The following AFAP1 variants were observed in gnomAD, a reference collection of about 807,000 sequenced individuals.
AFAP1 encodes actin filament associated protein 1.
AFAP1 carries 75 observed loss-of-function variants against 93.9 expected under a neutral mutation model. The ratio of observed to expected loss-of-function variants is 0.80; its 90% CI spans 0.66 to 0.97. The LOEUF is 0.97. AFAP1 is among the 50% of genes least tolerant of loss of function. The pLI, the probability that AFAP1 is intolerant of heterozygous loss-of-function variation, is 0.00. For missense variants in AFAP1, 1,201 were observed against 1,050.8 expected (o/e 1.14, Z -1.98); for synonymous variants, 517 against 430.7 (o/e 1.20, Z -2.48).
At chr4:7,799,002 A>C in intron 10 of AFAP1, 2 of 986,200 alleles carry the variant, frequency 2.0e-6, no homozygotes, top group Non-Finnish European at 2.4e-6. Context: ...CAGTTTCTTT[A>C]TTTAAGTTTT....
intron 2 of AFAP1, among the ~76,000 whole-genome samples, chr4:7,869,807 A>G (rs1716863870): frequency 6.6e-6 from 1 of 151,782 alleles, no homozygotes; most frequent in African/African-American, 2.4e-5. Flanking sequence ...TTCGTTAGAG[A>G]ACTGCAAACA....
intron 5 of AFAP1, among the ~76,000 whole-genome samples, chr4:7,839,237 G>A (rs1033696295): frequency 6.6e-6 from 1 of 152,018 alleles, no homozygotes; most frequent in Non-Finnish European, 1.5e-5. Context: ...TTGGGAGGCT[G>A]AGGCAGGAGG....
In AFAP1 at chr4:7,762,951, C is replaced by G. The variant is rs1428174638; in HGVS notation, c.*814G>C. ...GTGGATTAAGGGCTGGGGATGCTAG[C>G]CCAAGGGGGAGGAGGGTGTACTGTT... On this transcript the variant is annotated 3_prime_UTR_variant, in exon 18 of 18. Coordinates refer to ENST00000420658, the MANE Select transcript of AFAP1 (RefSeq NM_001134647.2). 6.6e-6 allele frequency: 1 copy of G among 152,224 alleles called. No individual in the cohort carries two copies. The highest frequency in any genetic ancestry group is 2.4e-5 in the African/African-American group (1 of 41,426). The allele number at this position is 152,224 out of a possible 1,614,324, so 9.4% of individuals were successfully genotyped here.
chr4:7,909,838 T>C (rs1397041280), intron 1 of AFAP1, among the ~76,000 whole-genome samples: 1 of 152,170 alleles, frequency 6.6e-6, no homozygotes, highest in Non-Finnish European at 1.5e-5. Context: ...GCATGCTTTT[T>C]TCACAGCCCC....
At chr4:7,904,484 A>G (rs1432859691) in intron 1 of AFAP1, among the ~76,000 whole-genome samples, 1 of 152,140 alleles carries the variant, frequency 6.6e-6, no homozygotes, top group East Asian at 1.9e-4. Flanking sequence ...AAATAATAAC[A>G]TTTAGTGTGC....
chr4:7,911,698 T>A (rs537230592), intron 1 of AFAP1, among the ~76,000 whole-genome samples: 2 of 152,358 alleles, frequency 1.3e-5, no homozygotes, highest in East Asian at 3.9e-4. Context: ...GGGCCTCTGA[T>A]TCTAGAACCA....
chr4:7,845,047 T>C (rs780296761), intron 4 of AFAP1, among the ~76,000 whole-genome samples: 2 of 152,220 alleles, frequency 1.3e-5, no homozygotes, highest in Non-Finnish European at 2.9e-5. Flanking sequence ...ATGTTTGCCT[T>C]ATAATTTCCT....
chr4:7,788,111 C>T (rs538321524), intron 11 of AFAP1, among the ~76,000 whole-genome samples: 301 of 152,332 alleles, frequency 2.0e-3, no homozygotes, highest in Non-Finnish European at 1.7e-3. Flanking sequence ...CACAGGGGTC[C>T]TCACGCAGGG....
intron 16 of AFAP1, among the ~76,000 whole-genome samples, chr4:7,771,852 T>C (rs532175711): frequency 1.4e-3 from 211 of 151,886 alleles, no homozygotes; most frequent in African/African-American, 4.9e-3. Flanking sequence ...CACAGGAGAC[T>C]GGGGCAGGGA....
chr4:7,897,714 G>GCCA (rs1718870730), intron 1 of AFAP1, among the ~76,000 whole-genome samples: 3 of 152,118 alleles, frequency 2.0e-5, no homozygotes, highest in Admixed American at 1.3e-4. Flanking sequence ...AGTAGAGATG[G>GCCA]GGCTTCACCA....
At position 7,881,609 on chromosome 4, in the gene AFAP1, T is replaced by A. The variant is rs141175388; in HGVS notation, c.-2-9529A>T. ...ATTAGCCTGGCTAAGATGGCGAAAC[T>A]CCATCTCTACTAAAAATACAAAAAT... On this transcript the variant is annotated intron_variant, in intron 1 of 17. Coordinates refer to ENST00000420658, the MANE Select transcript of AFAP1 (RefSeq NM_001134647.2). Among the ~76,000 whole-genome samples, 141 of 151,886 alleles carry A rather than the reference T, an allele frequency of 9.3e-4. 1 individual carries two copies. Among genetic ancestry groups the A allele is most frequent in the African/African-American group, 3.3e-3 (138 of 41,432 alleles).
intron 10 of AFAP1, among the ~76,000 whole-genome samples, chr4:7,799,489 T>G (rs1718816834): frequency 6.6e-6 from 1 of 152,210 alleles, no homozygotes; most frequent in African/African-American, 2.4e-5. Flanking sequence ...TGCACGCATG[T>G]AGAGCCGGCT....
intron 16 of AFAP1, among the ~76,000 whole-genome samples, chr4:7,769,213 G>A (rs1379035661): frequency 1.3e-5 from 2 of 152,188 alleles, no homozygotes; most frequent in African/African-American, 2.4e-5. Context: ...AGGCTCCGAC[G>A]GGCAGGTGGA....
At position 7,832,078 on chromosome 4, in the gene AFAP1, C is replaced by T. The variant is rs558101852; in HGVS notation, c.726+6446G>A. 4.3e-4 allele frequency among the ~76,000 whole-genome samples: 65 copies of T among 152,242 alleles called. 1 individual carries two copies. The highest frequency in any genetic ancestry group is 1.2e-3 in the African/African-American group (50 of 41,546). ...GTCAGCTGACAAATGAAACTACACACGCCTGCTTTGAGGTTAAGAAGCAAT... is the reference window on the plus strand; with the variant it reads ...GTCAGCTGACAAATGAAACTACACATGCCTGCTTTGAGGTTAAGAAGCAAT... On this transcript the variant is annotated intron_variant, in intron 6 of 17. Coordinates refer to ENST00000420658, the MANE Select transcript of AFAP1 (RefSeq NM_001134647.2).
At chr4:7,899,001 G>A (rs1462373858) in intron 1 of AFAP1, among the ~76,000 whole-genome samples, 1 of 141,518 alleles carries the variant, frequency 7.1e-6, no homozygotes, top group Non-Finnish European at 1.6e-5. Context: ...ATACACAAAT[G>A]TATATATATA....
intron 4 of AFAP1, among the ~76,000 whole-genome samples, chr4:7,847,788 G>A (rs1004571745): frequency 3.0e-5 from 2 of 66,894 alleles, no homozygotes; most frequent in Non-Finnish European, 4.0e-5. Context: ...TATTTCAGGG[G>A]TACTCGGGGT....
At chr4:7,790,784 C>T (rs1005913914) in intron 11 of AFAP1, among the ~76,000 whole-genome samples, 5 of 152,110 alleles carry the variant, frequency 3.3e-5, no homozygotes, top group Admixed American at 2.0e-4. Context: ...ATAAACAGAA[C>T]GGTAAGTACT....
intron 4 of AFAP1, among the ~76,000 whole-genome samples, chr4:7,846,403 G>A (rs1009129870): frequency 6.6e-6 from 1 of 152,216 alleles, no homozygotes. Flanking sequence ...ATGGGCAGAG[G>A]CCAGACCGCA....
chr4:7,782,266 G>A (rs970850987), intron 12 of AFAP1, among the ~76,000 whole-genome samples: 15 of 152,216 alleles, frequency 9.9e-5, no homozygotes, highest in African/African-American at 3.4e-4. Context: ...CGGTGCTCCC[G>A]CTAAGCCTCG....
Sources: allele counts gnomAD v4.1 joint callset (sites outside exome capture counted in the v4.1 genomes callset), GRCh38; gene constraint gnomAD v4.1.1; transcripts MANE v1.5; gene names NCBI Gene and HGNC (gene_info 2026-07-23, HGNC 2026-07-21).